Variants in PDE1C observed in about 807,000 individuals in gnomAD.
PDE1C encodes dual specificity calcium/calmodulin-dependent 3',5'-cyclic nucleotide phosphodiesterase 1C.
PDE1C carries 62 observed loss-of-function variants against 93.1 expected under a neutral mutation model. The ratio of observed to expected loss-of-function variants is 0.67; its 90% CI spans 0.54 to 0.82. The LOEUF is 0.82. Ranked by LOEUF, PDE1C falls within the 40% of genes least tolerant of loss-of-function variation. The pLI is 0.00. For missense variants in PDE1C, 742 were observed against 884.6 expected (o/e 0.84, Z 2.04); for synonymous variants, 325 against 310.1 (o/e 1.05, Z -0.50).
At chr7:31,642,333 C>A in the PDE1C span, 1 of 977,578 alleles carries the variant, frequency 1.0e-6, no homozygotes, top group Non-Finnish European at 1.5e-6. Flanking sequence ...AGGCTGCCAC[C>A]CAAACCTCAC....
intron 3 of PDE1C, among the ~76,000 whole-genome samples, chr7:32,118,331 C>G (rs978101684): frequency 1.5e-4 from 23 of 152,134 alleles, no homozygotes; most frequent in African/African-American, 5.5e-4. Context: ...CTTTACTGTT[C>G]AAGAATATAT....
intron 2 of PDE1C, among the ~76,000 whole-genome samples, chr7:32,180,346 T>G (rs1043337175): frequency 2.0e-5 from 3 of 152,208 alleles, no homozygotes; most frequent in African/African-American, 7.2e-5. Context: ...TGATGATACA[T>G]TCTAAATTCC....
the PDE1C span, among the ~76,000 whole-genome samples, chr7:31,692,986 A>G: frequency 6.6e-6 from 1 of 152,190 alleles, no homozygotes; most frequent in Non-Finnish European, 1.5e-5. Context: ...TTTCCTTTCC[A>G]GAACTGACTT....
rs150403723 is a variant in PDE1C at position 32,123,424 on chromosome 7, G to A, written c.308+46361C>T. On this transcript the variant is annotated intron_variant, in intron 3 of 18. Transcript: ENST00000396193. ...ACACAATAAACAAAAAAAAACTTCA[G>A]ACCAATATCCCTGATGAACATCAAT... 2.0e-3 allele frequency among the ~76,000 whole-genome samples: 301 copies of A among 152,078 alleles called. 1 individual carries two copies. The highest frequency in any genetic ancestry group is 2.9e-3 in the Non-Finnish European group (197 of 67,978).
chr7:31,665,242 G>T, the PDE1C span, among the ~76,000 whole-genome samples: 5 of 152,198 alleles, frequency 3.3e-5, no homozygotes, highest in East Asian at 9.7e-4. Context: ...TCAGATCTCT[G>T]TTCAAATGTC....
Position 32,024,986 on chromosome 7 carries a change from G to A in PDE1C, c.128+26568C>T, listed in dbSNP as rs564390668. Among the ~76,000 whole-genome samples the A allele has an allele frequency of 1.4e-4, 22 of 152,160 alleles. No homozygotes were observed. The South Asian group carries it at 4.4e-3, about 30-fold the overall frequency. ...CCAGCCCAATGAGGGTATCTACTCG[G>A]GGGGCTTAAAATGGAACACTCAAGC... On this transcript the variant is annotated intron_variant, in intron 2 of 17. Coordinates refer to ENST00000396191, the MANE Select transcript of PDE1C (RefSeq NM_001191057.4).
intron 2 of PDE1C, among the ~76,000 whole-genome samples, chr7:31,889,303 A>C (rs898816317): frequency 6.6e-6 from 1 of 152,230 alleles, no homozygotes; most frequent in African/African-American, 2.4e-5. Context: ...TCTTCCTTTC[A>C]ACATCCAGCT....
intron 1 of PDE1C, among the ~76,000 whole-genome samples, chr7:32,331,378 G>A (rs774410636): frequency 2.0e-5 from 3 of 152,194 alleles, no homozygotes; most frequent in African/African-American, 4.8e-5. Flanking sequence ...GAGTTTACAG[G>A]TTAGTGGGGA....
chr7:31,814,600 C>T (rs1017671620), intron 15 of PDE1C, among the ~76,000 whole-genome samples: 2 of 151,504 alleles, frequency 1.3e-5, no homozygotes, highest in African/African-American at 4.9e-5. Context: ...TCATTGACCA[C>T]GGCCCTGTGG....
intron 3 of PDE1C, among the ~76,000 whole-genome samples, chr7:32,101,227 C>G (rs73689031): frequency 5.9e-5 from 9 of 152,174 alleles, no homozygotes; most frequent in African/African-American, 2.2e-4. Context: ...ATTCCCCACA[C>G]GTGGCCTTAA....
At chr7:32,167,775 GA>G (rs1802396167) in intron 3 of PDE1C, among the ~76,000 whole-genome samples, 1 of 152,092 alleles carries the variant, frequency 6.6e-6, no homozygotes, top group Non-Finnish European at 1.5e-5. Flanking sequence ...CGTGACCAAG[GA>G]AAAAGAGAAC....
chr7:31,873,265 A>T, intron 6 of PDE1C, 27 bp downstream of exon 6: 3 of 1,361,156 alleles, frequency 2.2e-6, no homozygotes, highest in Non-Finnish European at 2.1e-6. Context: ...TAGTTTATTT[A>T]TTTTTTCTTT....
At chr7:32,186,164 G>A (rs1330984379) in intron 2 of PDE1C, among the ~76,000 whole-genome samples, 2 of 146,276 alleles carry the variant, frequency 1.4e-5, no homozygotes, top group African/African-American at 5.0e-5. Context: ...CTGCAGTGGC[G>A]CAATCTCGGC....
chr7:32,253,731 A>G (rs1809565649), intron 1 of PDE1C, among the ~76,000 whole-genome samples: 1 of 152,224 alleles, frequency 6.6e-6, no homozygotes, highest in African/African-American at 2.4e-5. Flanking sequence ...GAGATGATGT[A>G]TAAACAATAA....
At chr7:31,972,603 CTT>C (rs1251999884) in intron 2 of PDE1C, among the ~76,000 whole-genome samples, 2 of 152,152 alleles carry the variant, frequency 1.3e-5, no homozygotes, top group Non-Finnish European at 2.9e-5. Flanking sequence ...GGCATAGACT[CTT>C]TTCCCTGCTA....
chr7:32,228,169 G>A (rs1807432747), intron 1 of PDE1C, among the ~76,000 whole-genome samples: 1 of 152,226 alleles, frequency 6.6e-6, no homozygotes, highest in Non-Finnish European at 1.5e-5. Context: ...AATACAAGAA[G>A]AGACTAGAGA....
chr7:31,865,369 A>G (rs1795168838), intron 6 of PDE1C, among the ~76,000 whole-genome samples: 1 of 152,214 alleles, frequency 6.6e-6, no homozygotes, highest in Non-Finnish European at 1.5e-5. Flanking sequence ...TTTTAGTAAC[A>G]TGTAAAGCAG....
In PDE1C at chr7:32,080,742, A is replaced by C. The variant is rs79671552; in HGVS notation, c.308+89043T>G. Reference sequence around the variant, plus strand: ...TAAATGGTCCATGCTGGTCCCTGTGATTCTCAGAAGTGAAAGGATTTTAAT... The same window carrying C: ...TAAATGGTCCATGCTGGTCCCTGTGCTTCTCAGAAGTGAAAGGATTTTAAT... On this transcript the variant is annotated intron_variant, in intron 3 of 18. Transcript: ENST00000396193. Among the ~76,000 whole-genome samples the C allele has an allele frequency of 3.7e-3, 569 of 152,346 alleles. 3 individuals carry two copies. Among genetic ancestry groups the C allele is most frequent in the African/African-American group, 0.013 (541 of 41,570 alleles).
intron 1 of PDE1C, among the ~76,000 whole-genome samples, chr7:32,292,874 C>T (rs867387627): frequency 1.3e-4 from 20 of 152,350 alleles, no homozygotes; most frequent in African/African-American, 4.3e-4. Context: ...TGAGTGGACA[C>T]GCCAGGCACA....
Sources: gnomAD v4.1 joint callset for allele counts (sites outside exome capture counted in the v4.1 genomes callset) on GRCh38, gnomAD v4.1.1 for gene constraint, MANE v1.5 for transcripts, NCBI Gene and HGNC (gene_info 2026-07-23, HGNC 2026-07-21) for gene names.